FMN1: variants seen among roughly 807,000 people sequenced by gnomAD.
FMN1 encodes the protein formin-1.
FMN1 carries 110 observed loss-of-function variants against 132.4 expected under a neutral mutation model. The ratio of observed to expected loss-of-function variants is 0.83; its 90% CI spans 0.71 to 0.97. The LOEUF (loss-of-function observed/expected upper bound fraction) is 0.97, where lower values mean the gene tolerates loss of function less well. Ranked by LOEUF, FMN1 falls within the 50% of genes least tolerant of loss-of-function variation. The probability of loss-of-function intolerance (pLI) is 0.00; values close to 1 mark genes in which losing one functional copy is unlikely to be tolerated. For missense variants in FMN1, 1,792 were observed against 1,705.3 expected, an observed-to-expected ratio of 1.05 and a Z score of -0.90; for synonymous variants, 722 against 651.7, an observed-to-expected ratio of 1.11 and a Z score of -1.64.
At chr15:33,111,215 C>A (rs12917467) in intron 4 of FMN1, among the ~76,000 whole-genome samples, 11,159 of 152,126 alleles carry the variant, frequency 0.073, 558 homozygotes, top group African/African-American at 0.14. Context: ...CAACCCTACA[C>A]AAGTTAATTT....
At chr15:33,118,931 T>A (rs1962290304) in intron 4 of FMN1, among the ~76,000 whole-genome samples, 2 of 149,698 alleles carry the variant, frequency 1.3e-5, no homozygotes, top group African/African-American at 2.5e-5. Context: ...AAAAAAAAAA[T>A]TAGACACATA....
At chr15:33,123,503 AAT>A (rs1392991547) in intron 4 of FMN1, among the ~76,000 whole-genome samples, 1 of 152,224 alleles carries the variant, frequency 6.6e-6, no homozygotes, top group African/African-American at 2.4e-5. Context: ...TTAAGTAATA[AAT>A]ATGTCCTCAA....
intron 5 of FMN1, among the ~76,000 whole-genome samples, chr15:33,078,189 G>C (rs2038299080): frequency 6.6e-6 from 1 of 152,148 alleles, no homozygotes; most frequent in African/African-American, 2.4e-5. Context: ...CGTAAAATGG[G>C]AAAAATAATA....
At chr15:33,019,910 G>A (rs932440868) in intron 6 of FMN1, among the ~76,000 whole-genome samples, 1 of 152,242 alleles carries the variant, frequency 6.6e-6, no homozygotes, top group East Asian at 1.9e-4. Flanking sequence ...AGCCAGCCCA[G>A]AGAAGGGCTC....
chr15:32,860,388 C>T (rs529874179), intron 16 of FMN1, among the ~76,000 whole-genome samples: 4 of 152,180 alleles, frequency 2.6e-5, no homozygotes, highest in East Asian at 1.9e-4. Context: ...CACAGTGGCT[C>T]GTGCCTCTAA....
At chr15:32,933,505 T>C (rs957822139) in intron 9 of FMN1, among the ~76,000 whole-genome samples, 6 of 152,320 alleles carry the variant, frequency 3.9e-5, no homozygotes, top group African/African-American at 1.4e-4. Flanking sequence ...ATAGTGTTGC[T>C]CAAGTCCTCT....
intron 19 of FMN1, among the ~76,000 whole-genome samples, chr15:32,788,205 C>T (rs554570285): frequency 2.0e-5 from 3 of 152,248 alleles, no homozygotes; most frequent in Non-Finnish European, 4.4e-5. Context: ...GCCAATCACT[C>T]TGCACTTAGT....
chr15:32,792,542 GAC>G (rs1037647586), intron 19 of FMN1, among the ~76,000 whole-genome samples: 54 of 152,292 alleles, frequency 3.5e-4, no homozygotes, highest in African/African-American at 1.3e-3. Context: ...TAGGAAATGT[GAC>G]ACAGTCTAGT....
chr15:32,859,912 C>T (rs2059225187), intron 16 of FMN1, among the ~76,000 whole-genome samples: 1 of 152,084 alleles, frequency 6.6e-6, no homozygotes, highest in African/African-American at 2.4e-5. Flanking sequence ...ATGGTGCATG[C>T]CTGTAGACCC....
At chr15:33,188,915 A>G (rs561524820) in intron 2 of FMN1, among the ~76,000 whole-genome samples, 1 of 152,294 alleles carries the variant, frequency 6.6e-6, no homozygotes, top group Non-Finnish European at 1.5e-5. Flanking sequence ...CTGTATAACT[A>G]GAAAAATATC....
intron 9 of FMN1, among the ~76,000 whole-genome samples, chr15:32,941,460 G>T (rs1002746773): frequency 6.6e-6 from 1 of 152,042 alleles, no homozygotes; most frequent in Non-Finnish European, 1.5e-5. Flanking sequence ...TCATTATAAA[G>T]GTTACATTTA....
At chr15:32,851,877 T>C (rs1409693516) in intron 17 of FMN1, among the ~76,000 whole-genome samples, 1 of 152,202 alleles carries the variant, frequency 6.6e-6, no homozygotes. Flanking sequence ...ACGTGACTTC[T>C]CAGGCATACA....
intron 6 of FMN1, 33 bp downstream of exon 6, chr15:33,064,924 C>T: frequency 6.8e-7 from 1 of 1,463,800 alleles, no homozygotes; most frequent in Non-Finnish European, 9.5e-7. Context: ...GGAAGAGATT[C>T]ATTCCCGGGT....
Position 33,104,905 on chromosome 15 carries a change from A to C in FMN1, c.1868-15931T>G, listed in dbSNP as rs28708877. ...CTTAATATTTGCACCATCCAAAGAA[A>C]GAGCAAAAAGCTGAATCTAATTGGT... On this transcript the variant is annotated intron_variant, in intron 4 of 20. Transcript: ENST00000616417. Among the ~76,000 whole-genome samples the C allele has an allele frequency of 3.8e-3, 573 of 152,288 alleles. 4 individuals are homozygous for C. Among genetic ancestry groups the C allele is most frequent in the Middle Eastern group, 0.01 (3 of 294 alleles).
intron 7 of FMN1, chr15:32,970,935 G>C (rs1454718219): frequency 6.6e-6 from 1 of 152,214 alleles, no homozygotes; most frequent in East Asian, 1.9e-4. Flanking sequence ...CTCATATGTG[G>C]ACACGGTCTG....
At chr15:32,880,972 C>G (rs1420516921) in intron 16 of FMN1, among the ~76,000 whole-genome samples, 1 of 152,148 alleles carries the variant, frequency 6.6e-6, no homozygotes, top group Non-Finnish European at 1.5e-5. Context: ...ACTTTTGTCT[C>G]CTAAATCCTA....
At chr15:32,865,082 G>A (rs1444388292) in intron 16 of FMN1, among the ~76,000 whole-genome samples, 1 of 152,194 alleles carries the variant, frequency 6.6e-6, no homozygotes, top group Non-Finnish European at 1.5e-5. Flanking sequence ...CGGATTAGTA[G>A]TGGCTGAGGA....
chr15:33,098,767 CCA>C (rs2039180800), intron 4 of FMN1, among the ~76,000 whole-genome samples: 1 of 152,156 alleles, frequency 6.6e-6, no homozygotes, highest in Non-Finnish European at 1.5e-5. Context: ...CTTTCTTCTA[CCA>C]CCACAGCTCT....
At chr15:32,976,286 A>AG (rs1381414807) in intron 7 of FMN1, among the ~76,000 whole-genome samples, 2 of 152,150 alleles carry the variant, frequency 1.3e-5, no homozygotes, top group African/African-American at 4.8e-5. Context: ...CGTGAGCAGA[A>AG]GAAAGGAAAG....
Sources: gnomAD v4.1 joint callset for allele counts (sites outside exome capture counted in the v4.1 genomes callset) on GRCh38, gnomAD v4.1.1 for gene constraint, MANE v1.5 for transcripts, NCBI Gene and HGNC (gene_info 2026-07-23, HGNC 2026-07-21) for gene names.